CFAP52: variants seen among roughly 807,000 people sequenced by gnomAD.
CFAP52 encodes cilia- and flagella-associated protein 52.
A neutral mutation model predicts 70.5 loss-of-function variants in CFAP52; 57 were observed. The observed-to-expected ratio is 0.81, with a 90% CI of 0.65 to 1.01. The LOEUF is 1.01. Among genes scored for constraint, CFAP52 ranks in the 50% least tolerant of loss-of-function variants. The probability of loss-of-function intolerance (pLI) is 0.00; values close to 1 mark genes in which losing one functional copy is unlikely to be tolerated. For synonymous variants in CFAP52, 267 were observed against 292.5 expected (o/e 0.91, Z 0.89); for missense variants, 785 against 788.5 (o/e 1.00, Z 0.05).
intron 8 of CFAP52, among the ~76,000 whole-genome samples, chr17:9,623,705 A>C (rs1346671646): frequency 6.6e-6 from 1 of 150,514 alleles, no homozygotes; most frequent in African/African-American, 2.5e-5. Context: ...TTTGTTTAAG[A>C]GACAGGGTTT....
Position 9,594,227 on chromosome 17 carries a change from A to T in CFAP52, c.442A>T (p.Ile148Phe), listed in dbSNP as rs1908895550. The T allele has an allele frequency of 6.2e-7, 1 of 1,613,594 alleles. No individual in the cohort carries two copies. Among genetic ancestry groups the T allele is most frequent in the Non-Finnish European group, 8.5e-7 (1 of 1,179,884 alleles). ...GTGGAGCATAGCCAAGAGAGATGCCATCTGTGGCAGCCCTGCAGCCGGCCT... is the reference window on the plus strand; with the variant it reads ...GTGGAGCATAGCCAAGAGAGATGCCTTCTGTGGCAGCCCTGCAGCCGGCCT... ...VVWSIAKRDAICGSPAAGLNV... is the reference protein window; with the variant it reads ...VVWSIAKRDAFCGSPAAGLNV... Residue 148 changes from isoleucine to phenylalanine, a missense_variant, in exon 4 of 14, where the codon ATC becomes TTC. Physicochemically the swap from Ile to Phe is conservative, Grantham distance 21. Transcript: ENST00000352665.
chr17:9,598,536 T>C (rs1458004109), intron 5 of CFAP52: 3 of 399,704 alleles, frequency 7.5e-6, no homozygotes, highest in Admixed American at 4.1e-5. Flanking sequence ...CGGAGGTGGG[T>C]GAATCACTTG....
intron 10 of CFAP52, among the ~76,000 whole-genome samples, chr17:9,633,528 T>C (rs1433631037): frequency 6.6e-6 from 1 of 151,934 alleles, no homozygotes; most frequent in African/African-American, 2.4e-5. Context: ...CTAAGTACAT[T>C]TGTACACAGA....
At chr17:9,622,055 AAT>A (rs1411826807) in intron 8 of CFAP52, among the ~76,000 whole-genome samples, 1 of 146,370 alleles carries the variant, frequency 6.8e-6, no homozygotes, top group African/African-American at 2.5e-5. Flanking sequence ...ACAGTTAACC[AAT>A]GTTTGTATCT....
At chr17:9,581,036 GC>G (rs1908202198) in intron 1 of CFAP52, among the ~76,000 whole-genome samples, 3 of 152,254 alleles carry the variant, frequency 2.0e-5, no homozygotes, top group Middle Eastern at 6.8e-3. Flanking sequence ...AAACTACGTG[GC>G]CAGGCGTGGT....
chr17:9,631,521 G>A (rs1231809096), intron 9 of CFAP52, among the ~76,000 whole-genome samples: 1 of 152,152 alleles, frequency 6.6e-6, no homozygotes, highest in Non-Finnish European at 1.5e-5. Context: ...AAACATTCCA[G>A]GCAGAGGGAA....
In CFAP52 at chr17:9,638,712, G is replaced by C. The variant is rs1450921564; in HGVS notation, c.1575+1G>C. 1.2e-6 allele frequency: 2 copies of C among 1,613,898 alleles called. No individual in the cohort carries two copies. Among genetic ancestry groups the C allele is most frequent in the Non-Finnish European group, 1.7e-6 (2 of 1,179,796 alleles). On this transcript the variant is annotated splice_donor_variant, in intron 12 of 13. Coordinates refer to ENST00000352665, the MANE Select transcript of CFAP52 (RefSeq NM_145054.5). LOFTEE classifies it high-confidence loss of function. ...CATCACCAGCGGAACAGACAGAAAG[G>C]TGAGTCCTCCCAGTGAGAGATGAGA...
In CFAP52 at chr17:9,636,916, G is replaced by C. The variant is rs140427266; in HGVS notation, c.1472+1360G>C. Among the ~76,000 whole-genome samples, 8 of 152,182 alleles carry C rather than the reference G, an allele frequency of 5.3e-5. No individual in the cohort carries two copies. In the East Asian group the frequency reaches 1.4e-3, roughly 26 times the overall value. On this transcript the variant is annotated intron_variant, in intron 11 of 13. Coordinates refer to ENST00000352665, the MANE Select transcript of CFAP52 (RefSeq NM_145054.5). ...AAAAAGTAGCTGGGCGTGGTGGCGC[G>C]TGCCTGTTATCCCAGCTACTCAGGA...
At chr17:9,623,209 CTTTGA>C (rs1910113948) in intron 8 of CFAP52, among the ~76,000 whole-genome samples, 1 of 152,000 alleles carries the variant, frequency 6.6e-6, no homozygotes. Context: ...TAGTAATTCT[CTTTGA>C]TTTGAAGTAA....
chr17:9,623,946 T>G (rs1309667760), intron 8 of CFAP52, among the ~76,000 whole-genome samples: 2 of 152,210 alleles, frequency 1.3e-5, no homozygotes, highest in African/African-American at 4.8e-5. Flanking sequence ...TTAGCCTTTA[T>G]TTTTGAAGAA....
chr17:9,629,172 A>G (rs1242362426), intron 9 of CFAP52, among the ~76,000 whole-genome samples: 1 of 152,200 alleles, frequency 6.6e-6, no homozygotes, highest in African/African-American at 2.4e-5. Flanking sequence ...CCTGACTCAA[A>G]CGAAGTGATG....
chr17:9,584,557 T>C (rs1309363862), intron 1 of CFAP52, among the ~76,000 whole-genome samples: 1 of 152,088 alleles, frequency 6.6e-6, no homozygotes, highest in Non-Finnish European at 1.5e-5. Flanking sequence ...AGTTACTTTT[T>C]GTGTGTGATG....
intron 3 of CFAP52, among the ~76,000 whole-genome samples, chr17:9,589,135 G>A (rs1567621456): frequency 6.6e-6 from 1 of 151,988 alleles, no homozygotes; most frequent in Non-Finnish European, 1.5e-5. Context: ...AATATATTAG[G>A]AAGAACAATC....
rs555764315 is a variant in CFAP52 at position 9,599,672 on chromosome 17, A to G, written c.637-395A>G. On this transcript the variant is annotated intron_variant, in intron 5 of 13. Coordinates refer to ENST00000352665, the MANE Select transcript of CFAP52 (RefSeq NM_145054.5). ...GTAAGTCTTCATGGGGTGCCAGAGG[A>G]ACCTCATCCCATTCCTGAACAGGTG... Among the ~76,000 whole-genome samples, 240 of 152,180 alleles carry G rather than the reference A, an allele frequency of 1.6e-3. 2 individuals are homozygous for G. Among genetic ancestry groups the G allele is most frequent in the African/African-American group, 5.3e-3 (220 of 41,522 alleles).
intron 3 of CFAP52, among the ~76,000 whole-genome samples, chr17:9,587,728 T>C (rs532681203): frequency 3.0e-4 from 46 of 152,294 alleles, no homozygotes; most frequent in Non-Finnish European, 5.3e-4. Flanking sequence ...TTTTATCTTA[T>C]AAATTTATTT....
chr17:9,608,586 A>G (rs1909597431), intron 7 of CFAP52, among the ~76,000 whole-genome samples: 1 of 152,246 alleles, frequency 6.6e-6, no homozygotes. Flanking sequence ...AATGAAATTT[A>G]TTATGCAATG....
rs534572266 is a variant in CFAP52, at chr17:9,624,149, G to C, written c.1026-4523G>C. 2.1e-4 allele frequency among the ~76,000 whole-genome samples: 32 copies of C among 151,644 alleles called. No homozygotes were observed. The South Asian group carries it at 6.3e-3, about 30-fold the overall frequency. On this transcript the variant is annotated intron_variant, in intron 8 of 13. Transcript: ENST00000352665. Reference sequence around the variant, plus strand: ...TCTTTCATCAGTTTGACTGTGATTTGTCTTTCTCTTTGTGTTTATCCTTTC... The same window carrying C: ...TCTTTCATCAGTTTGACTGTGATTTCTCTTTCTCTTTGTGTTTATCCTTTC...
At chr17:9,605,578 T>G (rs931105225) in intron 6 of CFAP52, among the ~76,000 whole-genome samples, 4 of 150,986 alleles carry the variant, frequency 2.6e-5, no homozygotes, top group African/African-American at 9.7e-5. Flanking sequence ...TGCCTGTAGT[T>G]CCAGCTACTC....
intron 8 of CFAP52, among the ~76,000 whole-genome samples, chr17:9,628,320 C>A (rs937528659): frequency 2.0e-5 from 3 of 149,488 alleles, no homozygotes; most frequent in Admixed American, 6.6e-5. Flanking sequence ...AGCTCTGTCA[C>A]CCAGGCTGGA....
Sources: gnomAD v4.1 joint callset for allele counts (sites outside exome capture counted in the v4.1 genomes callset) on GRCh38, gnomAD v4.1.1 for gene constraint, MANE v1.5 for transcripts, NCBI Gene and HGNC (gene_info 2026-07-23, HGNC 2026-07-21) for gene names.